ARAP2: variants seen among roughly 807,000 people sequenced by gnomAD.
ARAP2 encodes ArfGAP with RhoGAP domain, ankyrin repeat and PH domain 2.
Under a neutral mutation model 194.5 loss-of-function variants are expected in ARAP2, and 148 were observed. The ratio of observed to expected loss-of-function variants is 0.76; its 90% confidence interval spans 0.67 to 0.87. The LOEUF (loss-of-function observed/expected upper bound fraction) is 0.87, where lower values mean the gene tolerates loss of function less well. Ranked by LOEUF, ARAP2 falls within the 40% of genes least tolerant of loss-of-function variation. The probability of loss-of-function intolerance (pLI) is 0.00; values close to 1 mark genes in which losing one functional copy is unlikely to be tolerated. For synonymous variants in ARAP2, 695 were observed against 683.5 expected (o/e 1.02, Z -0.26); for missense variants, 2,128 against 1,989.7 (o/e 1.07, Z -1.32).
intron 30 of ARAP2, among the ~76,000 whole-genome samples, chr4:36,081,974 C>T (rs1001416947): frequency 6.6e-6 from 1 of 152,102 alleles, no homozygotes; most frequent in Non-Finnish European, 1.5e-5. Flanking sequence ...CTATCACCTA[C>T]TTATCTCATA....
intron 6 of ARAP2, among the ~76,000 whole-genome samples, chr4:36,200,544 C>T (rs1050387519): frequency 2.6e-5 from 4 of 152,110 alleles, no homozygotes; most frequent in Non-Finnish European, 5.9e-5. Context: ...TGTGAGCCAC[C>T]GTGCCCGGCC....
chr4:36,131,332 T>G (rs984984859), intron 20 of ARAP2, among the ~76,000 whole-genome samples: 2 of 150,616 alleles, frequency 1.3e-5, no homozygotes, highest in African/African-American at 4.9e-5. Context: ...CAAACACAAT[T>G]ATATGTATAA....
intron 2 of ARAP2, among the ~76,000 whole-genome samples, chr4:36,052,682 C>T (rs376866277): frequency 1.9e-4 from 29 of 152,278 alleles, no homozygotes; most frequent in African/African-American, 6.5e-4. Context: ...TAAAATTTTA[C>T]GGCTGGGCTC....
intron 15 of ARAP2, among the ~76,000 whole-genome samples, chr4:36,156,479 GAAA>G: frequency 8.2e-6 from 1 of 121,726 alleles, no homozygotes; most frequent in African/African-American, 3.3e-5. Flanking sequence ...TGAAAGAGAA[GAAA>G]GAAAGAAAAA....
At chr4:36,087,870 AT>A (rs1712329403) in intron 28 of ARAP2, among the ~76,000 whole-genome samples, 1 of 152,118 alleles carries the variant, frequency 6.6e-6, no homozygotes, top group Non-Finnish European at 1.5e-5. Flanking sequence ...CTGGAAATGA[AT>A]TCTGACTCCA....
chr4:36,230,289 T>A lies in ARAP2; in HGVS notation c.-159-644A>T, dbSNP rs75120110. 1.4e-4 allele frequency among the ~76,000 whole-genome samples: 22 copies of A among 152,354 alleles called. No homozygotes were observed. The East Asian group carries it at 4.0e-3, about 28-fold the overall frequency. On this transcript the variant is annotated intron_variant, in intron 1 of 32. Coordinates refer to ENST00000303965, the MANE Select transcript of ARAP2 (RefSeq NM_015230.4). ...AAAGAATGTTCTTTTGACTTTCAAG[T>A]TTTATGCAATTTTCTTAACAGTAGT...
intron 9 of ARAP2, among the ~76,000 whole-genome samples, chr4:36,175,188 AGAT>A (rs1347949843): frequency 6.6e-6 from 1 of 152,246 alleles, no homozygotes. Context: ...TATGATGAAT[AGAT>A]TTTTTTCATC....
At chr4:36,227,950 A>G (rs143156318) in intron 2 of ARAP2, among the ~76,000 whole-genome samples, 3 of 152,296 alleles carry the variant, frequency 2.0e-5, no homozygotes, top group African/African-American at 7.2e-5. Flanking sequence ...CTACCTGCGT[A>G]TAAGAACCTA....
intron 4 of ARAP2, 61 bp from the exon 5 acceptor site, chr4:36,212,548 G>C: frequency 1.8e-6 from 2 of 1,125,298 alleles, no homozygotes; most frequent in Non-Finnish European, 2.6e-6. Flanking sequence ...TTGGGGATTT[G>C]TTTGTATGTG....
intron 5 of ARAP2, 147 bp downstream of exon 5, chr4:36,212,249 G>A: frequency 1.8e-6 from 1 of 549,668 alleles, no homozygotes; most frequent in East Asian, 2.9e-5. Flanking sequence ...AATGGGTGCT[G>A]CTATGCTTAC....
At position 36,150,420 on chromosome 4, in the gene ARAP2, C is replaced by T. The variant is rs546772299; in HGVS notation, c.2897+480G>A. Among the ~76,000 whole-genome samples the T allele has an allele frequency of 8.6e-5, 13 of 151,966 alleles. No homozygotes were observed. In the East Asian group the frequency reaches 1.5e-3, roughly 18 times the overall value. On this transcript the variant is annotated intron_variant, in intron 16 of 32. Transcript: ENST00000303965. Reference sequence around the variant, plus strand: ...CAGCACTTTGGGAGGTCGGGGTGGGCGGATCACTTGAGGTCAGGAGTTTGA... The same window carrying T: ...CAGCACTTTGGGAGGTCGGGGTGGGTGGATCACTTGAGGTCAGGAGTTTGA...
intron 8 of ARAP2, among the ~76,000 whole-genome samples, chr4:36,184,238 C>T (rs189648787): frequency 1.3e-5 from 2 of 151,012 alleles, no homozygotes; most frequent in African/African-American, 4.9e-5. Context: ...ATTTAGTGTA[C>T]TGTTGAAAGT....
Position 36,117,047 on chromosome 4 carries a change from C to T in ARAP2, c.4038+14G>A. 1 of 1,563,786 alleles carries T rather than the reference C, an allele frequency of 6.4e-7. No homozygotes were observed. On this transcript the variant is annotated intron_variant, in intron 25 of 32. Coordinates refer to ENST00000303965, the MANE Select transcript of ARAP2 (RefSeq NM_015230.4). Reference sequence around the variant, plus strand: ...CTTCCAACAGTCCTCTTTACATCCACCTTTAGAACTTACCCGAATTATAAT... The same window carrying T: ...CTTCCAACAGTCCTCTTTACATCCATCTTTAGAACTTACCCGAATTATAAT...
chr4:36,093,459 TATTG>T (rs898432183), intron 27 of ARAP2, among the ~76,000 whole-genome samples: 8 of 152,126 alleles, frequency 5.3e-5, no homozygotes, highest in African/African-American at 1.7e-4. Flanking sequence ...TGCTACAATT[TATTG>T]ATTACCTATT....
chr4:36,186,208 C>T (rs116473260), intron 8 of ARAP2, among the ~76,000 whole-genome samples: 1,670 of 152,088 alleles, frequency 0.011, 21 homozygotes, highest in African/African-American at 0.037. Context: ...ATTCTTAATG[C>T]GATGGTATTA....
intron 5 of ARAP2, among the ~76,000 whole-genome samples, chr4:36,023,750 T>C (rs1317899733): frequency 1.3e-5 from 2 of 152,166 alleles, no homozygotes; most frequent in Non-Finnish European, 2.9e-5. Flanking sequence ...CCTTAGACAG[T>C]GCTGAAAAGC....
chr4:36,073,965 G>GCCACCAGAGTCA, intron 31 of ARAP2, 142 bp from the exon 32 acceptor site: 2 of 1,070,572 alleles, frequency 1.9e-6, no homozygotes, highest in South Asian at 1.6e-5. Flanking sequence ...TTATGATGTT[G>GCCACCAGAGTCA]ACTCTGGTGG....
At chr4:36,196,533 T>C (rs1368267860) in intron 6 of ARAP2, among the ~76,000 whole-genome samples, 1 of 152,234 alleles carries the variant, frequency 6.6e-6, no homozygotes, top group Non-Finnish European at 1.5e-5. Context: ...TTTGATGTCT[T>C]CATCTATTTT....
chr4:36,095,482 G>A (rs1250937382), intron 27 of ARAP2, among the ~76,000 whole-genome samples: 1 of 152,052 alleles, frequency 6.6e-6, no homozygotes, highest in African/African-American at 2.4e-5. Context: ...AAGACTAGCA[G>A]AAATAAATAC....
Sources: gnomAD v4.1 joint callset for allele counts (sites outside exome capture counted in the v4.1 genomes callset) on GRCh38, gnomAD v4.1.1 for gene constraint, MANE v1.5 for transcripts, NCBI Gene and HGNC (gene_info 2026-07-23, HGNC 2026-07-21) for gene names.